Variants in RALYL observed in about 807,000 individuals in gnomAD.
The protein encoded by RALYL is RNA-binding Raly-like protein.
A neutral mutation model predicts 35.1 loss-of-function variants in RALYL; 29 were observed. The observed-to-expected ratio is 0.83, with a 90% CI of 0.61 to 1.13. RALYL has a LOEUF of 1.13. Ranked by LOEUF, RALYL falls within the 50% of genes most tolerant of loss-of-function variation. RALYL has a pLI of 0.00. For missense variants in RALYL, 359 were observed against 360.4 expected (o/e 1.00, Z 0.03); for synonymous variants, 120 against 127.6 (o/e 0.94, Z 0.40).
intron 1 of RALYL, among the ~76,000 whole-genome samples, chr8:84,331,767 T>A (rs1357688500): frequency 6.6e-6 from 1 of 152,130 alleles, no homozygotes; most frequent in Non-Finnish European, 1.5e-5. Context: ...ATGACAGTGT[T>A]TCCATAAATT....
intron 1 of RALYL, among the ~76,000 whole-genome samples, chr8:84,317,407 C>G (rs896721389): frequency 6.6e-6 from 1 of 152,116 alleles, no homozygotes; most frequent in South Asian, 2.1e-4. Flanking sequence ...AGCTTGTTTC[C>G]TTCTGCATGA....
chr8:84,252,689 C>T (rs1330405487), intron 1 of RALYL, among the ~76,000 whole-genome samples: 2 of 152,056 alleles, frequency 1.3e-5, no homozygotes, highest in Non-Finnish European at 2.9e-5. Context: ...ATTCCTGGTG[C>T]ACATGACCTG....
At chr8:84,556,488 A>G (rs564979319) in intron 2 of RALYL, among the ~76,000 whole-genome samples, 24 of 152,202 alleles carry the variant, frequency 1.6e-4, no homozygotes, top group Non-Finnish European at 2.5e-4. Context: ...ACCATGAAGA[A>G]CTTGTAAAAG....
At chr8:84,799,412 C>A (rs1822668696) in intron 3 of RALYL, among the ~76,000 whole-genome samples, 1 of 152,044 alleles carries the variant, frequency 6.6e-6, no homozygotes, top group African/African-American at 2.4e-5. Context: ...TATGGCAACA[C>A]CAAAGAAATA....
chr8:84,194,085 C>T (rs1242158847), intron 1 of RALYL, among the ~76,000 whole-genome samples: 3 of 152,102 alleles, frequency 2.0e-5, no homozygotes, highest in Non-Finnish European at 4.4e-5. Flanking sequence ...GTATTTCTAG[C>T]GTTTGACAGT....
intron 2 of RALYL, among the ~76,000 whole-genome samples, chr8:84,578,382 T>C (rs1209597284): frequency 6.6e-6 from 1 of 152,150 alleles, no homozygotes; most frequent in Non-Finnish European, 1.5e-5. Flanking sequence ...AGGTCTGGGC[T>C]CCCAAAGGGC....
intron 2 of RALYL, among the ~76,000 whole-genome samples, chr8:84,757,977 G>A (rs1213329267): frequency 6.6e-6 from 1 of 151,790 alleles, no homozygotes; most frequent in East Asian, 1.9e-4. Flanking sequence ...ACAACAGAGA[G>A]AAAAACTAGA....
At chr8:84,889,872 C>T (rs1843526245) in intron 8 of RALYL, among the ~76,000 whole-genome samples, 1 of 152,238 alleles carries the variant, frequency 6.6e-6, no homozygotes, top group Non-Finnish European at 1.5e-5. Flanking sequence ...AATGCTACTT[C>T]CAACTCACAC....
At chr8:84,797,763 G>A (rs1008952013) in intron 3 of RALYL, among the ~76,000 whole-genome samples, 1 of 152,210 alleles carries the variant, frequency 6.6e-6, no homozygotes, top group African/African-American at 2.4e-5. Flanking sequence ...GACTTTAGTG[G>A]AGAATGTTAA....
chr8:84,206,002 C>A (rs1325124476), intron 1 of RALYL, among the ~76,000 whole-genome samples: 1 of 152,100 alleles, frequency 6.6e-6, no homozygotes, highest in Admixed American at 6.6e-5. Context: ...TTCTCAATCT[C>A]CTCTTCTTAA....
chr8:84,240,658 A>C (rs1222850357), intron 1 of RALYL, among the ~76,000 whole-genome samples: 1 of 152,202 alleles, frequency 6.6e-6, no homozygotes, highest in African/African-American at 2.4e-5. Context: ...AAAAGTTCTC[A>C]TGGAAAGACC....
At chr8:84,469,185 A>G (rs531391904) in intron 1 of RALYL, among the ~76,000 whole-genome samples, 1 of 152,128 alleles carries the variant, frequency 6.6e-6, no homozygotes, top group Non-Finnish European at 1.5e-5. Flanking sequence ...ATTGCTGGTG[A>G]GGAACTGTGT....
At chr8:84,894,106 T>C (rs774225524) in intron 8 of RALYL, among the ~76,000 whole-genome samples, 5 of 152,202 alleles carry the variant, frequency 3.3e-5, no homozygotes, top group African/African-American at 1.2e-4. Context: ...TGGTACACCA[T>C]TGAAAAACTG....
At chr8:84,235,714 T>C (rs1338911911) in intron 1 of RALYL, among the ~76,000 whole-genome samples, 2 of 152,096 alleles carry the variant, frequency 1.3e-5, no homozygotes, top group African/African-American at 4.8e-5. Context: ...TGAAACTACA[T>C]TGATATGAGT....
intron 1 of RALYL, among the ~76,000 whole-genome samples, chr8:84,215,940 A>C (rs902101200): frequency 3.9e-5 from 6 of 152,348 alleles, no homozygotes; most frequent in African/African-American, 1.2e-4. Flanking sequence ...ACTCCCTGGA[A>C]GAAACTATGG....
At chr8:84,673,300 T>G (rs1169585264) in intron 2 of RALYL, among the ~76,000 whole-genome samples, 2 of 152,208 alleles carry the variant, frequency 1.3e-5, no homozygotes, top group Non-Finnish European at 1.5e-5. Flanking sequence ...CTGCAAAAAT[T>G]TTCTCCCATT....
intron 1 of RALYL, among the ~76,000 whole-genome samples, chr8:84,211,367 T>C (rs1328840571): frequency 6.6e-6 from 1 of 152,144 alleles, no homozygotes; most frequent in Non-Finnish European, 1.5e-5. Flanking sequence ...AGCTTTCCAC[T>C]CGCAGCTTGG....
intron 1 of RALYL, among the ~76,000 whole-genome samples, chr8:84,275,938 C>T: frequency 6.6e-6 from 1 of 152,060 alleles, no homozygotes; most frequent in Middle Eastern, 3.4e-3. Flanking sequence ...ATTAAATTTA[C>T]TTTGGCAAAC....
At chr8:84,788,080 T>C (rs1586261282) in intron 3 of RALYL, among the ~76,000 whole-genome samples, 2 of 152,232 alleles carry the variant, frequency 1.3e-5, no homozygotes, top group Non-Finnish European at 2.9e-5. Flanking sequence ...GTTTTAATCA[T>C]GCAGTCTTTG....
Sources: allele counts gnomAD v4.1 joint callset (sites outside exome capture counted in the v4.1 genomes callset), GRCh38; gene constraint gnomAD v4.1.1; transcripts MANE v1.5; gene names NCBI Gene and HGNC (gene_info 2026-07-23, HGNC 2026-07-21).